Variants in KLHL26 observed in about 807,000 individuals in gnomAD.
KLHL26 encodes kelch-like protein 26.
In KLHL26, 4 loss-of-function variants were observed where a neutral mutation model predicts 7.1. The ratio of observed to expected loss-of-function variants is 0.56; its 90% CI spans 0.28 to 1.28. The LOEUF is 1.28. KLHL26 is among the 50% of genes most tolerant of loss of function. The pLI, the probability that KLHL26 is intolerant of heterozygous loss-of-function variation, is 0.11. For missense variants in KLHL26, 896 were observed against 924.6 expected (o/e 0.97, Z 0.40); for synonymous variants, 465 against 414.1 (o/e 1.12, Z -1.49).
At chr19:18,638,244 C>T (rs1976653102) in intron 1 of KLHL26, among the ~76,000 whole-genome samples, 2 of 152,122 alleles carry the variant, frequency 1.3e-5, no homozygotes, top group South Asian at 4.1e-4. Context: ...GAGTTTTGGA[C>T]CTGTGGGCTG....
chr19:18,662,403 T>C (rs2052400440), intron 1 of KLHL26, among the ~76,000 whole-genome samples: 1 of 152,186 alleles, frequency 6.6e-6, no homozygotes, highest in African/African-American at 2.4e-5. Flanking sequence ...TGATTCTGGG[T>C]GATCTGACCC....
chr19:18,668,764 C>T lies in KLHL26; in HGVS notation c.1367C>T (p.Ala456Val). Residue 456 changes from alanine to valine, a missense_variant, in exon 3 of 3, where the codon GCC becomes GTC. Coordinates refer to ENST00000300976, the MANE Select transcript of KLHL26 (RefSeq NM_018316.3). ...CGCCGTACCTGGGGCCATGCTGGGG[C>T]CGCCTCAGGGGGCCGCCTCTACATC... ...LKRRTWGHAG[A>V]ASGGRLYISG... 1 of 1,591,890 alleles carries T rather than the reference C, an allele frequency of 6.3e-7. No individual in the cohort carries two copies. Among genetic ancestry groups the T allele is most frequent in the Non-Finnish European group, 8.5e-7 (1 of 1,175,826 alleles).
At chr19:18,659,476 T>C (rs1370742275) in intron 1 of KLHL26, among the ~76,000 whole-genome samples, 1 of 152,076 alleles carries the variant, frequency 6.6e-6, no homozygotes, top group Non-Finnish European at 1.5e-5. Context: ...GCTTTGAAAG[T>C]GGAAGTGCTC....
intron 1 of KLHL26, among the ~76,000 whole-genome samples, chr19:18,662,588 T>G (rs764815764): frequency 1.3e-5 from 2 of 152,158 alleles, no homozygotes; most frequent in Non-Finnish European, 2.9e-5. Flanking sequence ...GGATGCGGCT[T>G]TGGCCCCAGG....
chr19:18,637,373 G>A (rs964171436), intron 1 of KLHL26, among the ~76,000 whole-genome samples: 1 of 152,118 alleles, frequency 6.6e-6, no homozygotes, highest in Non-Finnish European at 1.5e-5. Flanking sequence ...CGGCCCTAGG[G>A]ACCTGAGAAT....
chr19:18,650,930 G>T lies in KLHL26; in HGVS notation c.84-13331G>T, dbSNP rs1338264064. The stretch of plus-strand genomic sequence containing the variant: ...GTAGGAAGCTGGTGTGCACTGCAGG[G>T]AGAGGCGGCAGCTGGAAAAGTGTTA... On this transcript the variant is annotated intron_variant, in intron 1 of 2. Coordinates refer to ENST00000300976, the MANE Select transcript of KLHL26 (RefSeq NM_018316.3). The surrounding 1 kb of genome is among the most constrained non-coding windows in gnomAD (Gnocchi z 4.2). Among the ~76,000 whole-genome samples the T allele has an allele frequency of 3.9e-5, 6 of 152,170 alleles. No individual in the cohort carries two copies. Among genetic ancestry groups the T allele is most frequent in the Non-Finnish European group, 5.9e-5 (4 of 68,034 alleles).
chr19:18,663,764 T>C (rs1330440139), intron 1 of KLHL26, among the ~76,000 whole-genome samples: 1 of 25,518 alleles, frequency 3.9e-5, no homozygotes, highest in Non-Finnish European at 7.4e-5. Context: ...AAAGGGGTGG[T>C]GGGGCTGGAG....
intron 1 of KLHL26, among the ~76,000 whole-genome samples, chr19:18,638,028 AAAGAAC>A (rs1976649974): frequency 6.6e-6 from 1 of 152,298 alleles, no homozygotes; most frequent in African/African-American, 2.4e-5. Flanking sequence ...TGTCAGAGGG[AAAGAAC>A]ACCTGCCTTA....
chr19:18,667,425 C>G, intron 2 of KLHL26: 1 of 592,582 alleles, frequency 1.7e-6, no homozygotes, highest in Non-Finnish European at 2.9e-6. Context: ...CCAGTGGTCT[C>G]GATCTCCTGA....
rs571852188 is a variant in KLHL26 at position 18,669,442 on chromosome 19, C to T, written c.*197C>T. The T allele has an allele frequency of 7.2e-4, 426 of 588,920 alleles. 5 individuals carry two copies. The highest frequency in any genetic ancestry group is 6.2e-3 in the South Asian group (300 of 48,190). The allele number at this position is 588,920 out of a possible 1,614,324, so 36.5% of individuals were successfully genotyped here. On this transcript the variant is annotated 3_prime_UTR_variant, in exon 3 of 3. Coordinates refer to ENST00000300976, the MANE Select transcript of KLHL26 (RefSeq NM_018316.3). ...AGCAGATCCTGGCTGCGAGTCCATCCGAGGGAGCCTGCCGGCAAAGCGTCT... is the reference window on the plus strand; with the variant it reads ...AGCAGATCCTGGCTGCGAGTCCATCTGAGGGAGCCTGCCGGCAAAGCGTCT...
At chr19:18,662,406 T>C (rs1416191872) in intron 1 of KLHL26, among the ~76,000 whole-genome samples, 1 of 152,186 alleles carries the variant, frequency 6.6e-6, no homozygotes, top group East Asian at 1.9e-4. Flanking sequence ...TTCTGGGTGA[T>C]CTGACCCCTT....
rs556550956 is a variant in KLHL26 at position 18,649,978 on chromosome 19, G to C, written c.83+12841G>C. On this transcript the variant is annotated intron_variant, in intron 1 of 2. Coordinates refer to ENST00000300976, the MANE Select transcript of KLHL26 (RefSeq NM_018316.3). This position sits in a 1 kb window ranked among gnomAD's most constrained non-coding sequence, Gnocchi z 4.0. ...GCACACTGAAAATATTGTGATCTGG[G>C]AGGAAGTAACCAGCACCTTGGGGGA... Among the ~76,000 whole-genome samples, 2 of 152,368 alleles carry C rather than the reference G, an allele frequency of 1.3e-5. No homozygotes were observed. The highest frequency in any genetic ancestry group is 3.9e-4 in the East Asian group (2 of 5,186).
intron 1 of KLHL26, among the ~76,000 whole-genome samples, chr19:18,663,864 G>T (rs2052416645): frequency 6.6e-6 from 1 of 152,050 alleles, no homozygotes; most frequent in South Asian, 2.1e-4. Context: ...GGCGGGGCTT[G>T]CAGGGGACTT....
Position 18,664,389 on chromosome 19 carries a change from G to A in KLHL26, c.212G>A (p.Arg71Lys), listed in dbSNP as rs1409741455. ...CTCGATGTTGTGCTGACTATTAACA[G>A]AGAGGCCTTTCCTGCACACAAGGTC... ...QLLDVVLTIN[R>K]EAFPAHKVVL... Residue 71 changes from arginine to lysine, a missense_variant, in exon 2 of 3, where the codon AGA (arginine) becomes AAA (lysine). Arg to Lys is a conservative substitution (Grantham distance 26). Transcript: ENST00000300976. 6 of 1,607,884 alleles carry A rather than the reference G, an allele frequency of 3.7e-6. No homozygotes were observed. The South Asian group carries it at 5.5e-5, about 15-fold the overall frequency.
At chr19:18,661,910 C>T (rs2052395560) in intron 1 of KLHL26, among the ~76,000 whole-genome samples, 1 of 152,066 alleles carries the variant, frequency 6.6e-6, no homozygotes. Context: ...CTTTCGATCT[C>T]ACTCTGTCAC....
In KLHL26 at chr19:18,668,365, ACCGCTCGGTCAGCAGCAAGGTCTAC is replaced by A. The variant is rs1300717020; in HGVS notation, c.970_994del (p.Arg324SerfsTer18). On this transcript the variant is annotated frameshift_variant, in exon 3 of 3. Transcript: ENST00000300976. LOFTEE classifies it low-confidence loss of function (END_TRUNC). ...GGCGGCACGCCCTACACCGACAGCG[ACCGCTCGGTCAGCAGCAAGGTCTAC>A]CAGCTGCCTGAGCCGGGAGCCCGCC... The A allele has an allele frequency of 6.2e-7, 1 of 1,607,362 alleles. No homozygotes were observed. The highest frequency in any genetic ancestry group is 8.5e-7 in the Non-Finnish European group (1 of 1,178,724).
At chr19:18,642,338 AGTGTGTGTGTGTGTGTGTGT>A (rs1204260630) in intron 1 of KLHL26, among the ~76,000 whole-genome samples, 74 of 123,886 alleles carry the variant, frequency 6.0e-4, no homozygotes, top group Non-Finnish European at 9.2e-4. Context: ...CTAGTCACCT[AGTGTGTGTGTGTGTGTGTGT>A]GTGTGTGTGT....
chr19:18,658,717 C>A (rs1428993631), intron 1 of KLHL26, among the ~76,000 whole-genome samples: 2 of 151,446 alleles, frequency 1.3e-5, no homozygotes, highest in African/African-American at 4.9e-5. Context: ...CCCTCTGGAT[C>A]TTTCTCTCCA....
At chr19:18,666,053 G>A (rs1490595804) in intron 2 of KLHL26, among the ~76,000 whole-genome samples, 3 of 152,248 alleles carry the variant, frequency 2.0e-5, no homozygotes, top group African/African-American at 7.2e-5. Flanking sequence ...ACTGCAGCCA[G>A]CGAGACCTTA....
Sources: gnomAD v4.1 joint callset for allele counts (sites outside exome capture counted in the v4.1 genomes callset) on GRCh38, gnomAD v4.1.1 for gene constraint, Gnocchi (gnomAD v3.1) non-coding constraint, MANE v1.5 for transcripts, NCBI Gene and HGNC (gene_info 2026-07-23, HGNC 2026-07-21) for gene names.